The following SEMA3A variants were observed in gnomAD, a reference collection of about 807,000 sequenced individuals.
SEMA3A encodes the protein semaphorin-3A.
Under a neutral mutation model 97.9 loss-of-function variants are expected in SEMA3A, and 29 were observed. That is an observed-to-expected ratio of 0.30 (90% CI 0.22 to 0.40). The LOEUF (loss-of-function observed/expected upper bound fraction) is 0.40, where lower values mean the gene tolerates loss of function less well. SEMA3A is among the 10% of genes least tolerant of loss of function. The pLI is 1.00. For synonymous variants in SEMA3A, 321 were observed against 323.7 expected (o/e 0.99, Z 0.09); for missense variants, 763 against 951.3 (o/e 0.80, Z 2.60).
chr7:84,410,852 T>G, intron 1 of SEMA3A, among the ~76,000 whole-genome samples: 1 of 152,160 alleles, frequency 6.6e-6, no homozygotes, highest in East Asian at 1.9e-4. Context: ...AAAAGCTATT[T>G]GACCGTTTTC....
chr7:84,447,792 T>G (rs1481655226), intron 1 of SEMA3A, among the ~76,000 whole-genome samples: 1 of 152,210 alleles, frequency 6.6e-6, no homozygotes, highest in Non-Finnish European at 1.5e-5. Flanking sequence ...CTTGCCACGT[T>G]GCGGGCTATG....
chr7:84,485,063 A>G (rs1806541137), intron 1 of SEMA3A, among the ~76,000 whole-genome samples: 1 of 152,174 alleles, frequency 6.6e-6, no homozygotes, highest in Non-Finnish European at 1.5e-5. Context: ...GGAAATGACA[A>G]ATCTACCTTT....
At chr7:84,435,409 A>G (rs2116327998) in intron 1 of SEMA3A, among the ~76,000 whole-genome samples, 1 of 152,308 alleles carries the variant, frequency 6.6e-6, no homozygotes, top group Non-Finnish European at 1.5e-5. Context: ...GGAGATCGAG[A>G]CAATCCTGGC....
chr7:84,233,131 C>CTGATTGAG (rs1799152733), intron 3 of SEMA3A, among the ~76,000 whole-genome samples: 1 of 151,998 alleles, frequency 6.6e-6, no homozygotes, highest in Non-Finnish European at 1.5e-5. Context: ...TGTAACTTCT[C>CTGATTGAG]AATCATGCAA....
At chr7:84,466,618 T>A (rs571111273) in intron 1 of SEMA3A, among the ~76,000 whole-genome samples, 56 of 152,330 alleles carry the variant, frequency 3.7e-4, no homozygotes, top group African/African-American at 1.3e-3. Context: ...ACAGCCTCAA[T>A]TTCGTATTAG....
intron 3 of SEMA3A, among the ~76,000 whole-genome samples, chr7:84,259,489 G>C (rs1344430713): frequency 6.6e-6 from 1 of 151,986 alleles, no homozygotes; most frequent in Non-Finnish European, 1.5e-5. Context: ...GGAATTGGGG[G>C]TGAAATGAAG....
chr7:84,085,398 G>A (rs535842433), intron 4 of SEMA3A, among the ~76,000 whole-genome samples: 1 of 151,386 alleles, frequency 6.6e-6, no homozygotes, highest in African/African-American at 2.4e-5. Flanking sequence ...ACACTATTCT[G>A]GGAGAAAAAA....
intron 3 of SEMA3A, among the ~76,000 whole-genome samples, chr7:84,114,619 A>C (rs1195104910): frequency 6.6e-6 from 1 of 152,046 alleles, no homozygotes; most frequent in Non-Finnish European, 1.5e-5. Context: ...TAATCTGTTG[A>C]CTTTCTTTTT....
chr7:83,983,526 T>A (rs1355513860), intron 13 of SEMA3A, among the ~76,000 whole-genome samples: 2 of 149,986 alleles, frequency 1.3e-5, no homozygotes, highest in African/African-American at 5.0e-5. Context: ...TATGTCATAT[T>A]CCTTTAGGGG....
intron 4 of SEMA3A, among the ~76,000 whole-genome samples, chr7:84,107,100 C>T (rs1266665782): frequency 1.3e-5 from 2 of 152,152 alleles, no homozygotes; most frequent in African/African-American, 4.8e-5. Context: ...AACTCTATGA[C>T]AGTTTATGAA....
intron 3 of SEMA3A, among the ~76,000 whole-genome samples, chr7:84,274,641 A>T (rs1222508749): frequency 6.6e-6 from 1 of 152,090 alleles, no homozygotes; most frequent in Non-Finnish European, 1.5e-5. Flanking sequence ...AAATTATGTA[A>T]ATGTACTCTA....
At chr7:84,478,352 T>TA (rs1245860515) in intron 1 of SEMA3A, among the ~76,000 whole-genome samples, 18 of 152,168 alleles carry the variant, frequency 1.2e-4, no homozygotes, top group African/African-American at 4.3e-4. Flanking sequence ...TTCCCTGACT[T>TA]ACTGTTTTCA....
chr7:84,398,744 G>A lies in SEMA3A; in HGVS notation c.-245-26844C>T, dbSNP rs576024166. On this transcript the variant is annotated intron_variant, in intron 1 of 3. Coordinates refer to the SEMA3A transcript ENST00000424555. ...GATCACTAGAGCCCAGGAGTTTAAG[G>A]CTGCAAAGAGGTATGATTGTGCCAC... Among the ~76,000 whole-genome samples, 6 of 151,988 alleles carry A rather than the reference G, an allele frequency of 3.9e-5. 1 individual carries two copies. In the South Asian group the frequency reaches 6.2e-4, roughly 16 times the overall value.
intron 1 of SEMA3A, among the ~76,000 whole-genome samples, chr7:84,407,292 A>C (rs1270206527): frequency 1.3e-5 from 2 of 152,216 alleles, no homozygotes; most frequent in Non-Finnish European, 2.9e-5. Context: ...TCCCATTCAC[A>C]ATTGCTTCAA....
Position 84,005,564 on chromosome 7 carries a change from A to AAGAT in SEMA3A, c.1141-10_1141-7dup, listed in dbSNP as rs1300500293. The AAGAT allele has an allele frequency of 1.9e-6, 3 of 1,567,022 alleles. No homozygotes were observed. The highest frequency in any genetic ancestry group is 2.7e-5 in the African/African-American group (2 of 73,684). On this transcript the variant is annotated splice_polypyrimidine_tract_variant and splice_region_variant and intron_variant, in intron 10 of 16. Coordinates refer to ENST00000265362, the MANE Select transcript of SEMA3A (RefSeq NM_006080.3). ...CCAAATGTTTTGCTGGGACACTATT[A>AAGAT]AGATAAAGAGAAAATTATCTTTTGA...
chr7:84,388,476 C>A (rs1034992786), intron 1 of SEMA3A, among the ~76,000 whole-genome samples: 4 of 151,830 alleles, frequency 2.6e-5, no homozygotes, highest in Non-Finnish European at 5.9e-5. Context: ...ATACTTAATA[C>A]CATTATTGAA....
intron 2 of SEMA3A, among the ~76,000 whole-genome samples, chr7:84,349,965 G>A (rs1416717162): frequency 6.6e-6 from 1 of 151,888 alleles, no homozygotes; most frequent in East Asian, 1.9e-4. Flanking sequence ...GATGTCTCCA[G>A]GGTATATAAA....
chr7:84,109,052 T>A (rs1562787888), intron 4 of SEMA3A, among the ~76,000 whole-genome samples: 1 of 152,126 alleles, frequency 6.6e-6, no homozygotes, highest in Admixed American at 6.6e-5. Context: ...TAGAGCTATC[T>A]TCAGAATATA....
intron 1 of SEMA3A, among the ~76,000 whole-genome samples, chr7:84,448,491 A>G (rs767932077): frequency 1.3e-5 from 2 of 152,150 alleles, no homozygotes; most frequent in Non-Finnish European, 2.9e-5. Flanking sequence ...TTGTATTTCT[A>G]TACACTAACA....
Sources: gnomAD v4.1 joint callset for allele counts (sites outside exome capture counted in the v4.1 genomes callset) on GRCh38, gnomAD v4.1.1 for gene constraint, MANE v1.5 for transcripts, NCBI Gene and HGNC (gene_info 2026-07-23, HGNC 2026-07-21) for gene names.